Variants in PIK3C2G observed in about 807,000 individuals in gnomAD.
The protein encoded by PIK3C2G is phosphatidylinositol-4-phosphate 3-kinase catalytic subunit type 2 gamma, also known as phosphatidylinositol 3-kinase C2 domain-containing subunit gamma.
PIK3C2G carries 168 observed loss-of-function variants against 181.1 expected under a neutral mutation model. That is an observed-to-expected ratio of 0.93 (90% confidence interval 0.82 to 1.05). The LOEUF is 1.05. Among genes scored for constraint, PIK3C2G ranks in the 50% least tolerant of loss-of-function variants. The pLI, the probability that PIK3C2G is intolerant of heterozygous loss-of-function variation, is 0.00. For missense variants in PIK3C2G, 1,869 were observed against 1,732.8 expected (o/e 1.08, Z -1.40); for synonymous variants, 573 against 592.2 (o/e 0.97, Z 0.47).
chr12:18,391,558 C>T (rs1042408093), intron 15 of PIK3C2G, among the ~76,000 whole-genome samples: 9 of 152,148 alleles, frequency 5.9e-5, no homozygotes, highest in Non-Finnish European at 1.2e-4. Flanking sequence ...TAAACCATCT[C>T]TCAACCTTCC....
the PIK3C2G span, among the ~76,000 whole-genome samples, chr12:18,701,141 T>C: frequency 6.6e-6 from 1 of 151,966 alleles, no homozygotes; most frequent in African/African-American, 2.4e-5. Flanking sequence ...TGCGTCACCA[T>C]GCCCGGCTAA....
chr12:18,518,319 C>T (rs900940690), intron 24 of PIK3C2G, among the ~76,000 whole-genome samples: 1 of 152,144 alleles, frequency 6.6e-6, no homozygotes, highest in African/African-American at 2.4e-5. Flanking sequence ...GGTATCAGCT[C>T]CTCTTTGTAC....
At chr12:18,283,501 A>G (rs1486750995) in intron 2 of PIK3C2G, among the ~76,000 whole-genome samples, 1 of 152,180 alleles carries the variant, frequency 6.6e-6, no homozygotes, top group East Asian at 1.9e-4. Flanking sequence ...TTCAACAACT[A>G]TTTATCAAAT....
intron 1 of PIK3C2G, among the ~76,000 whole-genome samples, chr12:18,268,186 C>T (rs1948589701): frequency 6.6e-6 from 1 of 152,112 alleles, no homozygotes; most frequent in African/African-American, 2.4e-5. Flanking sequence ...TCTGTTTAAT[C>T]TGTTTTGACT....
At chr12:18,693,421 G>T in the PIK3C2G span, 1 of 1,604,310 alleles carries the variant, frequency 6.2e-7, no homozygotes, top group Admixed American at 1.7e-5. Flanking sequence ...GAAGAGATGG[G>T]TATAAAGCCT....
At chr12:18,254,014 G>GA (rs201559285) in intron 1 of PIK3C2G, among the ~76,000 whole-genome samples, 7 of 118,884 alleles carry the variant, frequency 5.9e-5, no homozygotes, top group Non-Finnish European at 7.3e-5. Flanking sequence ...ACCTGAGTAA[G>GA]AAAAAAAAAG....
At chr12:18,552,093 C>T (rs1265844185) in intron 26 of PIK3C2G, among the ~76,000 whole-genome samples, 1 of 152,040 alleles carries the variant, frequency 6.6e-6, no homozygotes, top group Non-Finnish European at 1.5e-5. Flanking sequence ...GCACAGTGAC[C>T]ATCCAACAGG....
At chr12:18,488,374 CTTACTG>C in intron 18 of PIK3C2G, 69 bp from the exon 19 acceptor site, 1 of 985,152 alleles carries the variant, frequency 1.0e-6, no homozygotes. Flanking sequence ...TTGAAATGCA[CTTACTG>C]TTCCGGCTGG....
intron 14 of PIK3C2G, among the ~76,000 whole-genome samples, chr12:18,385,366 C>T (rs148787788): frequency 3.9e-5 from 6 of 151,940 alleles, no homozygotes; most frequent in South Asian, 4.2e-4. Context: ...CGGAAGCAGT[C>T]GACAGAGTGA....
chr12:18,695,785 A>G, the PIK3C2G span, among the ~76,000 whole-genome samples: 2 of 152,282 alleles, frequency 1.3e-5, no homozygotes, highest in Admixed American at 1.3e-4. Context: ...AAGCTCATGT[A>G]AAGTATAAAT....
At chr12:18,285,441 T>G (rs1284745695) in intron 2 of PIK3C2G, 1 of 152,000 alleles carries the variant, frequency 6.6e-6, no homozygotes, top group Admixed American at 6.6e-5. Context: ...GTAAATATGT[T>G]GAATAATACA....
chr12:18,268,436 T>C (rs922378819), intron 1 of PIK3C2G, among the ~76,000 whole-genome samples: 1 of 152,154 alleles, frequency 6.6e-6, no homozygotes, highest in Non-Finnish European at 1.5e-5. Flanking sequence ...ATTAAGGATA[T>C]TATTTCCCGA....
rs552246547 is a variant in PIK3C2G at position 18,515,264 on chromosome 12, C to A, written c.3323+9803C>A. ...CATAAGATGAGTTTGGAATGATTCT[C>A]CGCTTTTTTCTATTTTTGGAAGAGT... On this transcript the variant is annotated intron_variant, in intron 24 of 32. Coordinates refer to ENST00000538779, the MANE Select transcript of PIK3C2G (RefSeq NM_001288772.2). 2.8e-4 allele frequency among the ~76,000 whole-genome samples: 42 copies of A among 151,990 alleles called. No homozygotes were observed. In the South Asian group the frequency reaches 8.1e-3, roughly 29 times the overall value.
At chr12:18,598,344 G>T (rs968426726) in intron 30 of PIK3C2G, among the ~76,000 whole-genome samples, 3 of 151,422 alleles carry the variant, frequency 2.0e-5, no homozygotes, top group East Asian at 1.9e-4. Flanking sequence ...AAAAAACGCC[G>T]CATATCTACA....
At chr12:18,650,519 T>C (rs1009861759), downstream of PIK3C2G, among the ~76,000 whole-genome samples, 4 of 150,492 alleles carry the variant, frequency 2.7e-5, no homozygotes, top group South Asian at 2.1e-4. Context: ...AATTAAGCTA[T>C]TTTGTATGCT....
At chr12:18,612,836 A>G (rs1592715326) in intron 31 of PIK3C2G, among the ~76,000 whole-genome samples, 1 of 152,220 alleles carries the variant, frequency 6.6e-6, no homozygotes, top group East Asian at 1.9e-4. Flanking sequence ...AGTATTGTTT[A>G]TCTTTTATTA....
At chr12:18,712,147 T>G in the PIK3C2G span, among the ~76,000 whole-genome samples, 1 of 152,160 alleles carries the variant, frequency 6.6e-6, no homozygotes, top group African/African-American at 2.4e-5. Context: ...ACTAAAATTG[T>G]ACTATAATTG....
chr12:18,714,350 T>C, the PIK3C2G span, among the ~76,000 whole-genome samples: 1 of 152,210 alleles, frequency 6.6e-6, no homozygotes, highest in South Asian at 2.1e-4. Flanking sequence ...TGGTTAGTGC[T>C]GTTTCTACAA....
At chr12:18,664,638 C>T in the PIK3C2G span, among the ~76,000 whole-genome samples, 1 of 151,760 alleles carries the variant, frequency 6.6e-6, no homozygotes, top group East Asian at 2.0e-4. Flanking sequence ...ACCATTTGAC[C>T]CAGCCATCCC....
Sources: allele counts gnomAD v4.1 joint callset (sites outside exome capture counted in the v4.1 genomes callset), GRCh38; gene constraint gnomAD v4.1.1; transcripts MANE v1.5; gene names NCBI Gene and HGNC (gene_info 2026-07-23, HGNC 2026-07-21).